The following CDC14B variants were observed in gnomAD, a reference collection of about 807,000 sequenced individuals.
The protein encoded by CDC14B is dual specificity protein phosphatase CDC14B.
Under a neutral mutation model 64.2 loss-of-function variants are expected in CDC14B, and 22 were observed. That is an observed-to-expected ratio of 0.34 (90% CI 0.24 to 0.49). The LOEUF (loss-of-function observed/expected upper bound fraction) is 0.49, where lower values mean the gene tolerates loss of function less well. Among genes scored for constraint, CDC14B ranks in the 20% least tolerant of loss-of-function variants. CDC14B has a pLI of 0.99. For synonymous variants in CDC14B, 191 were observed against 215.8 expected (o/e 0.89, Z 1.01); for missense variants, 498 against 629.9 (o/e 0.79, Z 2.24).
At chr9:96,497,240 T>C (rs923433567), downstream of CDC14B, among the ~76,000 whole-genome samples, 2 of 152,180 alleles carry the variant, frequency 1.3e-5, no homozygotes, top group African/African-American at 4.8e-5. Context: ...TCCAGAAGCG[T>C]GTCAAAGCCA....
In CDC14B at chr9:96,514,834, C is replaced by T. The variant is rs978419559; in HGVS notation, c.1344-5045G>A. The T allele has an allele frequency of 4.1e-6, 4 of 985,302 alleles. No individual in the cohort carries two copies. The African/African-American group carries it at 7.0e-5, about 17-fold the overall frequency. 61.0% of individuals were successfully genotyped at this position (985,302 alleles called of 1,614,324 possible). On this transcript the variant is annotated intron_variant, in intron 12 of 13. Transcript: ENST00000375241. ...CTGTTCCACAAGTGGGCCTCTTGTA[C>T]ATTCTTCTGCAGAAATAAAGCCTCT... is the stretch of plus-strand genomic sequence containing the variant.
intron 13 of CDC14B, among the ~76,000 whole-genome samples, chr9:96,504,429 C>A (rs987594118): frequency 2.0e-5 from 3 of 152,132 alleles, no homozygotes; most frequent in East Asian, 1.9e-4. Context: ...GTCAGAAAAA[C>A]CACTTCCAAT....
intron 12 of CDC14B, among the ~76,000 whole-genome samples, chr9:96,510,849 G>A (rs1002316927): frequency 5.9e-5 from 9 of 151,894 alleles, no homozygotes; most frequent in Non-Finnish European, 7.4e-5. Flanking sequence ...CAGGTGATTC[G>A]CCCACCTCAC....
chr9:96,613,177 AG>A (rs1202197977), intron 1 of CDC14B, among the ~76,000 whole-genome samples: 1 of 152,178 alleles, frequency 6.6e-6, no homozygotes, highest in Non-Finnish European at 1.5e-5. Context: ...GGGAATGTGG[AG>A]GGTTTTGATC....
At chr9:96,542,302 G>A (rs1016520090) in intron 5 of CDC14B, among the ~76,000 whole-genome samples, 2 of 151,608 alleles carry the variant, frequency 1.3e-5, no homozygotes, top group East Asian at 1.9e-4. Flanking sequence ...TTTTGATCCT[G>A]TAATAAACAT....
chr9:96,618,645 G>C (rs535748049), intron 1 of CDC14B: 21 of 525,296 alleles, frequency 4.0e-5, no homozygotes, highest in Middle Eastern at 3.3e-4. Flanking sequence ...GGCGCGCTAG[G>C]GGGCAGGGCG....
chr9:96,585,480 C>T (rs1303687831), intron 1 of CDC14B, among the ~76,000 whole-genome samples: 2 of 151,954 alleles, frequency 1.3e-5, no homozygotes, highest in African/African-American at 4.8e-5. Context: ...GTTTTGAATA[C>T]ATTTCACAAA....
intron 1 of CDC14B, among the ~76,000 whole-genome samples, chr9:96,566,091 TC>T (rs1843871832): frequency 6.6e-6 from 1 of 152,144 alleles, no homozygotes; most frequent in South Asian, 2.1e-4. Flanking sequence ...GCATGATGGG[TC>T]TGAGATGAAC....
At chr9:96,617,934 C>CA (rs1028070459) in intron 1 of CDC14B, among the ~76,000 whole-genome samples, 37 of 152,326 alleles carry the variant, frequency 2.4e-4, no homozygotes, top group African/African-American at 8.4e-4. Context: ...CTGGGAAGGG[C>CA]ACAACGTTAG....
At chr9:96,605,248 C>T (rs1011907134) in intron 1 of CDC14B, among the ~76,000 whole-genome samples, 1 of 152,164 alleles carries the variant, frequency 6.6e-6, no homozygotes, top group Non-Finnish European at 1.5e-5. Context: ...TATCCCCTTC[C>T]CATTTTCAGC....
At chr9:96,610,174 A>G (rs747004051) in intron 1 of CDC14B, among the ~76,000 whole-genome samples, 1 of 152,096 alleles carries the variant, frequency 6.6e-6, no homozygotes, top group Non-Finnish European at 1.5e-5. Context: ...TTGAAAGTCA[A>G]CGTGAATAAG....
At position 96,591,243 on chromosome 9, in the gene CDC14B, G is replaced by C. The variant is rs765734208; in HGVS notation, c.161-25760C>G. Among the ~76,000 whole-genome samples, 105 of 152,248 alleles carry C rather than the reference G, an allele frequency of 6.9e-4. 1 individual carries two copies. Among genetic ancestry groups the C allele is most frequent in the Non-Finnish European group, 1.3e-3 (91 of 68,014 alleles). On this transcript the variant is annotated intron_variant, in intron 1 of 13. Transcript: ENST00000375241. ...AGACTTTTATAGTTTCTGGTCTTAT[G>C]TTTAGGTCTTTAAGATACTTTGCAT...
chr9:96,545,569 T>C (rs1048690260), intron 5 of CDC14B, among the ~76,000 whole-genome samples: 2 of 152,130 alleles, frequency 1.3e-5, no homozygotes, highest in Non-Finnish European at 2.9e-5. Flanking sequence ...CCACCTACCT[T>C]GGCCTTCCAA....
At chr9:96,573,948 C>A (rs1391069567) in intron 1 of CDC14B, among the ~76,000 whole-genome samples, 1 of 152,086 alleles carries the variant, frequency 6.6e-6, no homozygotes, top group East Asian at 1.9e-4. Flanking sequence ...GAGATGGAGA[C>A]CATCCTGGCT....
At chr9:96,543,879 T>C (rs1840429114) in intron 5 of CDC14B, among the ~76,000 whole-genome samples, 1 of 152,216 alleles carries the variant, frequency 6.6e-6, no homozygotes, top group African/African-American at 2.4e-5. Flanking sequence ...TACTGTGTGG[T>C]AGTTACATAA....
intron 1 of CDC14B, among the ~76,000 whole-genome samples, chr9:96,581,347 T>G (rs1360124327): frequency 6.6e-6 from 1 of 152,026 alleles, no homozygotes; most frequent in Non-Finnish European, 1.5e-5. Flanking sequence ...CTCATGCCTA[T>G]AGTCCCAGCT....
chr9:96,499,804 G>C (rs1286620455), downstream of CDC14B, among the ~76,000 whole-genome samples: 1 of 152,226 alleles, frequency 6.6e-6, no homozygotes, highest in Non-Finnish European at 1.5e-5. Context: ...CTTGAGAGGG[G>C]AGTAGAGGGG....
intron 13 of CDC14B, among the ~76,000 whole-genome samples, chr9:96,506,733 G>GC (rs1214436572): frequency 3.3e-5 from 5 of 152,174 alleles, no homozygotes; most frequent in Non-Finnish European, 7.3e-5. Context: ...AAGCATCCCT[G>GC]CCAGGGACCT....
intron 12 of CDC14B, 30 bp from the exon 13 acceptor site, chr9:96,509,819 T>C (rs1418502750): frequency 5.8e-6 from 8 of 1,370,238 alleles, no homozygotes; most frequent in Admixed American, 5.2e-5. Context: ...AATAAGATTA[T>C]ATTCACTGAA....
Sources: allele counts gnomAD v4.1 joint callset (sites outside exome capture counted in the v4.1 genomes callset), GRCh38; gene constraint gnomAD v4.1.1; transcripts MANE v1.5; gene names NCBI Gene and HGNC (gene_info 2026-07-23, HGNC 2026-07-21).